Variants in CTBP1 observed in about 807,000 individuals in gnomAD.
CTBP1 encodes C-terminal binding protein 1, also known as C-terminal-binding protein 1.
In CTBP1, 11 loss-of-function variants were observed where a neutral mutation model predicts 42.1. The observed-to-expected ratio is 0.26, with a 90% CI of 0.16 to 0.43. The LOEUF is 0.43. Ranked by LOEUF, CTBP1 falls within the 20% of genes least tolerant of loss-of-function variation. CTBP1 has a pLI of 1.00. For synonymous variants in CTBP1, 324 were observed against 277.1 expected (o/e 1.17, Z -1.68); for missense variants, 399 against 624.3 (o/e 0.64, Z 3.85).
At chr4:1,244,939 T>TGCC (rs1732562837) in intron 1 of CTBP1, 1 of 985,316 alleles carries the variant, frequency 1.0e-6, no homozygotes, top group Non-Finnish European at 1.2e-6. Context: ...TACAGCCACC[T>TGCC]GCCGCCCAGA....
At chr4:1,219,702 G>C (rs181567633) in intron 5 of CTBP1, among the ~76,000 whole-genome samples, 1 of 152,238 alleles carries the variant, frequency 6.6e-6, no homozygotes, top group African/African-American at 2.4e-5. Context: ...GAAAATTCAA[G>C]AGAATCTGTT....
chr4:1,250,124 G>C (rs1171271547), upstream of CTBP1: 1 of 163,760 alleles, frequency 6.1e-6, no homozygotes, highest in African/African-American at 2.4e-5. Flanking sequence ...CCACGGCATG[G>C]AGACGGAATG....
intron 3 of CTBP1, among the ~76,000 whole-genome samples, chr4:1,228,722 G>T (rs889854824): frequency 5.2e-4 from 5 of 9,658 alleles, no homozygotes; most frequent in African/African-American, 5.0e-4. Context: ...GACACAGGAG[G>T]GGGGGTGCGG....
At chr4:1,246,909 G>T (rs542406672) in intron 1 of CTBP1, among the ~76,000 whole-genome samples, 59 of 152,228 alleles carry the variant, frequency 3.9e-4, no homozygotes, top group Non-Finnish European at 1.2e-4. Flanking sequence ...TCCAAAGAGT[G>T]GGGGGCTCCC....
chr4:1,217,250 C>G (rs1009901), intron 5 of CTBP1: 9,226 of 152,422 alleles, frequency 0.061, 480 homozygotes, highest in East Asian at 0.21. Flanking sequence ...GGAGGCCAGT[C>G]AGAAGAGCTG....
chr4:1,244,728 T>C, intron 1 of CTBP1: 2 of 985,254 alleles, frequency 2.0e-6, no homozygotes, highest in Non-Finnish European at 2.4e-6. Flanking sequence ...AAGCCCTGAT[T>C]ACTCCGGGCT....
Position 1,248,991 on chromosome 4 carries a change from C to A in CTBP1, c.-264G>T. On this transcript the variant is annotated 5_prime_UTR_variant, in exon 1 of 10. Transcript: ENST00000382952. ...GAGCGGCCGCGGGCCCCGACCACTC[C>A]GGCGCGCTGCGCCGCCGCGAGCCCG... 1 of 967,666 alleles carries A rather than the reference C, an allele frequency of 1.0e-6. No individual in the cohort carries two copies. Among genetic ancestry groups the A allele is most frequent in the South Asian group, 4.6e-5 (1 of 21,952 alleles). The allele number at this position is 967,666 out of a possible 1,614,324, so 59.9% of individuals were successfully genotyped here.
At chr4:1,221,095 A>C (rs543978502) in intron 5 of CTBP1, among the ~76,000 whole-genome samples, 3 of 152,220 alleles carry the variant, frequency 2.0e-5, no homozygotes, top group Admixed American at 1.3e-4. Flanking sequence ...AATATCCACA[A>C]TGCATGTCGA....
intron 5 of CTBP1, 32 bp downstream of exon 5, chr4:1,225,328 G>C (rs1327011585): frequency 6.6e-7 from 1 of 1,524,374 alleles, no homozygotes; most frequent in East Asian, 2.5e-5. Context: ...GACACAGGGA[G>C]GGACACAGGC....
chr4:1,220,738 G>T (rs1456475999), intron 5 of CTBP1, among the ~76,000 whole-genome samples: 2 of 152,254 alleles, frequency 1.3e-5, no homozygotes, highest in Non-Finnish European at 2.9e-5. Context: ...CAAGCCAACC[G>T]GAAGGAGGGC....
chr4:1,216,291 G>A, intron 5 of CTBP1, 86 bp from the exon 6 acceptor site: 1 of 1,336,630 alleles, frequency 7.5e-7, no homozygotes, highest in Non-Finnish European at 1.0e-6. Flanking sequence ...AGTGGCCTCT[G>A]TGCCTCAGTT....
intron 3 of CTBP1, among the ~76,000 whole-genome samples, chr4:1,230,949 A>C (rs1730903507): frequency 6.6e-6 from 1 of 152,250 alleles, no homozygotes; most frequent in Non-Finnish European, 1.5e-5. Flanking sequence ...CGAGGCTTTC[A>C]TCACTTGCCT....
chr4:1,224,108 G>A (rs768735359), intron 5 of CTBP1, among the ~76,000 whole-genome samples: 60 of 152,352 alleles, frequency 3.9e-4, no homozygotes, highest in Admixed American at 2.0e-3. Flanking sequence ...GGGACTCAAG[G>A]GGCGAGCACA....
At chr4:1,226,377 G>C (rs1263173827) in intron 4 of CTBP1, among the ~76,000 whole-genome samples, 1 of 152,134 alleles carries the variant, frequency 6.6e-6, no homozygotes, top group Non-Finnish European at 1.5e-5. Flanking sequence ...GGCCAGGACA[G>C]GGCTGCATTC....
At chr4:1,225,710 C>A in intron 4 of CTBP1, 144 bp from the exon 5 acceptor site, 1 of 826,958 alleles carries the variant, frequency 1.2e-6, no homozygotes, top group East Asian at 2.7e-5. Flanking sequence ...CGGGAGGCCA[C>A]GAGATGAACA....
intron 5 of CTBP1, among the ~76,000 whole-genome samples, chr4:1,224,024 C>T (rs780311612): frequency 6.6e-6 from 1 of 152,230 alleles, no homozygotes; most frequent in Non-Finnish European, 1.5e-5. Flanking sequence ...CCAGGGGCAG[C>T]TGCTGGTGAC....
intron 7 of CTBP1, 88 bp downstream of exon 7, chr4:1,214,255 C>G (rs554428003): frequency 7.1e-7 from 1 of 1,413,860 alleles, no homozygotes; most frequent in African/African-American, 1.5e-5. Flanking sequence ...GGCAAGTGTC[C>G]GGCCTGGCAG....
In CTBP1 at chr4:1,212,270, C is replaced by T. The variant is rs532821312; in HGVS notation, c.1260G>A (p.Ala420=). The change falls in exon 10 of 10, where the codon GCG becomes GCA. Residue 420 remains alanine (A), a synonymous_variant. Coordinates refer to ENST00000382952, the MANE Select transcript of CTBP1 (RefSeq NM_001012614.2). ...ACTGGTCACTGGCGTGGTCTCTATC[C>T]GCCTCGGGCTTGACGGTTTGGCCAG... The part of the protein sequence containing the change: ...PSPGQTVKPE[A]DRDHASDQL 441 of 1,526,678 alleles carry T rather than the reference C, an allele frequency of 2.9e-4. 2 individuals carry two copies. In the South Asian group the frequency reaches 4.9e-3, roughly 17 times the overall value. 94.6% of individuals were successfully genotyped at this position (1,526,678 alleles called of 1,614,324 possible).
chr4:1,243,318 G>A (rs1732382248), intron 1 of CTBP1: 4 of 985,306 alleles, frequency 4.1e-6, no homozygotes, highest in South Asian at 4.7e-5. Flanking sequence ...CTGCAGTGAG[G>A]AGGCCGTGAG....
Sources: allele counts gnomAD v4.1 joint callset (sites outside exome capture counted in the v4.1 genomes callset), GRCh38; gene constraint gnomAD v4.1.1; transcripts MANE v1.5; gene names NCBI Gene and HGNC (gene_info 2026-07-23, HGNC 2026-07-21).